The following PTPRB variants were observed in gnomAD, a reference collection of about 807,000 sequenced individuals.
PTPRB encodes the protein protein tyrosine phosphatase receptor type B, also known as receptor-type tyrosine-protein phosphatase beta.
PTPRB carries 97 observed loss-of-function variants against 238.1 expected under a neutral mutation model. The ratio of observed to expected loss-of-function variants is 0.41; its 90% CI spans 0.35 to 0.48. The LOEUF (loss-of-function observed/expected upper bound fraction) is 0.48, where lower values mean the gene tolerates loss of function less well. PTPRB is among the 20% of genes least tolerant of loss of function. The pLI, the probability that PTPRB is intolerant of heterozygous loss-of-function variation, is 0.30. For synonymous variants in PTPRB, 970 were observed against 995.4 expected (o/e 0.97, Z 0.48); for missense variants, 2,292 against 2,681.9 (o/e 0.85, Z 3.21).
chr12:70,595,921 A>T, intron 5 of PTPRB, 128 bp downstream of exon 5: 1 of 938,988 alleles, frequency 1.1e-6, no homozygotes, highest in Non-Finnish European at 1.5e-6. Flanking sequence ...AGCTCCTTTT[A>T]AAAATTTAAC....
chr12:70,588,713 G>A (rs975085672), intron 8 of PTPRB, among the ~76,000 whole-genome samples: 26 of 152,182 alleles, frequency 1.7e-4, no homozygotes, highest in African/African-American at 6.3e-4. Context: ...AGCACTTTGG[G>A]AGGCCAAGGT....
At chr12:70,634,917 G>C (rs1252850677) in intron 2 of PTPRB, among the ~76,000 whole-genome samples, 1 of 152,156 alleles carries the variant, frequency 6.6e-6, no homozygotes, top group Non-Finnish European at 1.5e-5. Context: ...TAATAGAAGA[G>C]TAAATACACA....
chr12:70,544,030 CTCTT>C (rs1264321528), intron 22 of PTPRB, among the ~76,000 whole-genome samples: 1 of 152,188 alleles, frequency 6.6e-6, no homozygotes, highest in Non-Finnish European at 1.5e-5. Flanking sequence ...CTAGAGAAGT[CTCTT>C]TCAGAAATTG....
intron 3 of PTPRB, among the ~76,000 whole-genome samples, chr12:70,618,421 C>A (rs762600950): frequency 4.6e-5 from 7 of 152,086 alleles, no homozygotes; most frequent in African/African-American, 1.7e-4. Context: ...AGCCAGTATT[C>A]GAAAACATTT....
intron 2 of PTPRB, among the ~76,000 whole-genome samples, chr12:70,623,642 A>AAACC (rs1885046387): frequency 6.6e-6 from 1 of 152,222 alleles, no homozygotes; most frequent in African/African-American, 2.4e-5. Flanking sequence ...ATGGGATAGA[A>AAACC]AACCCCACAA....
intron 32 of PTPRB, among the ~76,000 whole-genome samples, chr12:70,527,479 G>T (rs1475873315): frequency 1.3e-5 from 2 of 151,278 alleles, no homozygotes; most frequent in Non-Finnish European, 2.9e-5. Context: ...GAGGTCCTTA[G>T]TCCTACAACA....
chr12:70,614,149 C>G (rs1261572444), intron 3 of PTPRB, among the ~76,000 whole-genome samples: 2 of 152,154 alleles, frequency 1.3e-5, no homozygotes, highest in African/African-American at 4.8e-5. Flanking sequence ...AGCCTCACCA[C>G]AGACCTAGGA....
intron 32 of PTPRB, among the ~76,000 whole-genome samples, chr12:70,529,212 T>C (rs1872821677): frequency 6.6e-6 from 1 of 152,144 alleles, no homozygotes. Flanking sequence ...GATGGAGTTA[T>C]TTCTAAGGAG....
intron 23 of PTPRB, 31 bp downstream of exon 23, chr12:70,540,827 G>T (rs755906957): frequency 3.2e-5 from 48 of 1,504,638 alleles, no homozygotes; most frequent in Middle Eastern, 1.7e-4. Flanking sequence ...AAAGTTGTGG[G>T]TCCAATCACC....
At chr12:70,601,085 CT>C (rs1410816820) in intron 4 of PTPRB, among the ~76,000 whole-genome samples, 1 of 152,096 alleles carries the variant, frequency 6.6e-6, no homozygotes, top group Non-Finnish European at 1.5e-5. Context: ...CCAGGCTGGT[CT>C]CGAACTCCTG....
intron 28 of PTPRB, 190 bp downstream of exon 28, chr12:70,537,965 T>C (rs916857666): frequency 7.8e-6 from 4 of 510,986 alleles, no homozygotes; most frequent in African/African-American, 1.9e-5. Flanking sequence ...ACTATAGCCA[T>C]TGTGAAAAAT....
intron 4 of PTPRB, among the ~76,000 whole-genome samples, chr12:70,599,496 T>C (rs1365926487): frequency 6.6e-6 from 1 of 152,120 alleles, no homozygotes; most frequent in East Asian, 1.9e-4. Flanking sequence ...AATCAAAAAA[T>C]AATAAATCAA....
intron 5 of PTPRB, among the ~76,000 whole-genome samples, chr12:70,595,264 C>T (rs1306497158): frequency 6.6e-6 from 1 of 151,812 alleles, no homozygotes; most frequent in Non-Finnish European, 1.5e-5. Flanking sequence ...CACATGGACA[C>T]AGGGAGGGGA....
Position 70,517,776 on chromosome 12 carries a change from G to GA in PTPRB, c.*3712dup, listed in dbSNP as rs1338074209. The GA allele has an allele frequency of 1.1e-4, 16 of 152,190 alleles. No individual in the cohort carries two copies. Among genetic ancestry groups the GA allele is most frequent in the African/African-American group, 3.9e-4 (16 of 41,438 alleles). The allele number at this position is 152,190 out of a possible 1,614,324, so 9.4% of individuals were successfully genotyped here. On this transcript the variant is annotated 3_prime_UTR_variant, in exon 34 of 34. Coordinates refer to ENST00000334414, the MANE Select transcript of PTPRB (RefSeq NM_001109754.4). ...TAGAGCGTCTCAGAGTTTGGGCTCAGATACTACCACTGCTGTTGTGCAGAT... is the reference window on the plus strand; with the variant it reads ...TAGAGCGTCTCAGAGTTTGGGCTCAGAATACTACCACTGCTGTTGTGCAGAT...
chr12:70,536,667 G>A (rs1461957329), intron 28 of PTPRB, among the ~76,000 whole-genome samples: 2 of 152,140 alleles, frequency 1.3e-5, no homozygotes, highest in Non-Finnish European at 2.9e-5. Context: ...GTCCAAGAGC[G>A]GGATATTTTC....
chr12:70,633,397 ACC>A (rs750496225), intron 2 of PTPRB, among the ~76,000 whole-genome samples: 19 of 152,136 alleles, frequency 1.2e-4, no homozygotes, highest in Non-Finnish European at 2.2e-4. Flanking sequence ...CTATGATCAC[ACC>A]ATGGCTCTCC....
intron 32 of PTPRB, 70 bp from the exon 33 acceptor site, chr12:70,524,661 A>C: frequency 1.4e-6 from 2 of 1,459,602 alleles, no homozygotes; most frequent in South Asian, 2.7e-5. Context: ...AAACTCACAA[A>C]CTGTTGACAA....
chr12:70,518,917 G>T lies in PTPRB; in HGVS notation c.*2572C>A, dbSNP rs1179588622. ...GATGCCCACCAAGACAGGAAATGGA[G>T]TGTTTACCAAGACATAACACATGAT... On this transcript the variant is annotated 3_prime_UTR_variant, in exon 34 of 34. Transcript: ENST00000334414. The T allele has an allele frequency of 6.6e-6, 1 of 151,934 alleles. No homozygotes were observed. Among genetic ancestry groups the T allele is most frequent in the Non-Finnish European group, 1.5e-5 (1 of 67,998 alleles). 9.4% of individuals were successfully genotyped at this position (151,934 alleles called of 1,614,324 possible). A position where few individuals can be genotyped will look rare whatever the true frequency, so the allele number is the denominator to read the frequency against.
intron 28 of PTPRB, 152 bp downstream of exon 28, chr12:70,538,003 C>T (rs1874434283): frequency 5.4e-6 from 3 of 555,870 alleles, no homozygotes; most frequent in Non-Finnish European, 9.1e-6. Context: ...GAATTGGATA[C>T]CCCATTTTTT....
Sources: gnomAD v4.1 joint callset for allele counts (sites outside exome capture counted in the v4.1 genomes callset) on GRCh38, gnomAD v4.1.1 for gene constraint, MANE v1.5 for transcripts, NCBI Gene and HGNC (gene_info 2026-07-23, HGNC 2026-07-21) for gene names.